The following BOD1 variants were observed in gnomAD, a reference collection of about 807,000 sequenced individuals.
BOD1 encodes biorientation of chromosomes in cell division 1.
Under a neutral mutation model 15.7 loss-of-function variants are expected in BOD1, and 11 were observed. The observed-to-expected ratio is 0.70, with a 90% CI of 0.44 to 1.16. The LOEUF (loss-of-function observed/expected upper bound fraction) is 1.16, where lower values mean the gene tolerates loss of function less well. Among genes scored for constraint, BOD1 ranks in the 50% most tolerant of loss-of-function variants. BOD1 has a pLI of 0.00. For synonymous variants in BOD1, 105 were observed against 103.5 expected (o/e 1.01, Z -0.09); for missense variants, 182 against 244.5 (o/e 0.74, Z 1.70).
intron 2 of BOD1, among the ~76,000 whole-genome samples, chr5:173,612,420 G>A (rs1302388480): frequency 2.0e-5 from 3 of 152,032 alleles, no homozygotes; most frequent in Non-Finnish European, 2.9e-5. Context: ...TTTACCATAC[G>A]AGCTGTTGCA....
chr5:173,612,487 T>G (rs1477224387), intron 2 of BOD1, among the ~76,000 whole-genome samples: 1 of 152,210 alleles, frequency 6.6e-6, no homozygotes, highest in African/African-American at 2.4e-5. Flanking sequence ...CTCCCCCTTG[T>G]GCTACCACTT....
chr5:173,616,148 C>T (rs1755490071), intron 1 of BOD1, 52 bp downstream of exon 1: 3 of 1,545,814 alleles, frequency 1.9e-6, no homozygotes, highest in Admixed American at 1.9e-5. Context: ...AGCTGCCACC[C>T]GGCGGCCTCA....
chr5:173,611,959 G>A (rs1408958676), intron 2 of BOD1, among the ~76,000 whole-genome samples: 1 of 152,226 alleles, frequency 6.6e-6, no homozygotes, highest in Non-Finnish European at 1.5e-5. Flanking sequence ...ATGAGGATGA[G>A]TGATATATGT....
intron 1 of BOD1, 27 bp from the exon 2 acceptor site, chr5:173,613,282 G>A: frequency 6.2e-7 from 1 of 1,612,388 alleles, no homozygotes. Flanking sequence ...AGGAGGCAAG[G>A]TCAGAAGTTA....
Position 173,613,206 on chromosome 5 carries a change from T to A in BOD1, c.287A>T (p.His96Leu). ...RQKVDNFVST[H>L]LDKQEWNPTM... Reference sequence around the variant, plus strand: ...AGGATTCCATTCCTGCTTGTCCAGATGTGTTGACACAAAATTATCCACTTT... The same window carrying A: ...AGGATTCCATTCCTGCTTGTCCAGAAGTGTTGACACAAAATTATCCACTTT... The change falls in exon 2 of 4, where the codon CAT (histidine) becomes CTT (leucine). Residue 96 changes from histidine (H) to leucine (L), a missense_variant. His to Leu is a moderately conservative substitution (Grantham distance 99, BLOSUM62 -3). Around this residue, in one of 3 missense-constraint regions of BOD1, gnomAD observed 70 missense variants for 130.3 expected, o/e 0.54. Coordinates refer to ENST00000311086, the MANE Select transcript of BOD1 (RefSeq NM_138369.3). 1.2e-6 allele frequency: 2 copies of A among 1,613,738 alleles called. No homozygotes were observed. The highest frequency in any genetic ancestry group is 1.1e-5 in the South Asian group (1 of 91,070).
chr5:173,613,414 T>C (rs1410324483), intron 1 of BOD1, among the ~76,000 whole-genome samples, 159 bp from the exon 2 acceptor site: 1 of 152,236 alleles, frequency 6.6e-6, no homozygotes, highest in Non-Finnish European at 1.5e-5. Context: ...CAGGAATTAA[T>C]GGTTAACACA....
At position 173,609,511 on chromosome 5, in the gene BOD1, G is replaced by A. The variant is rs1254719712; in HGVS notation, c.363-77C>T. 7.1e-6 allele frequency: 10 copies of A among 1,401,424 alleles called. No homozygotes were observed. The Admixed American group carries it at 1.5e-4, about 21-fold the overall frequency. The allele number at this position is 1,401,424 out of a possible 1,614,324, so 86.8% of individuals were successfully genotyped here. A position where few individuals can be genotyped will look rare whatever the true frequency, so the allele number is the denominator to read the frequency against. ...TTTAGCCCCAATAAGTGTCACGTGC[G>A]AGCCCAATAAATGTCCACCTTCAAA... On this transcript the variant is annotated intron_variant, in intron 2 of 3. Coordinates refer to ENST00000311086, the MANE Select transcript of BOD1 (RefSeq NM_138369.3).
chr5:173,616,410 TC>T lies in BOD1; in HGVS notation c.26del (p.Gly9GlufsTer77). The T allele has an allele frequency of 2.6e-6, 4 of 1,534,330 alleles. No individual in the cohort carries two copies. The highest frequency in any genetic ancestry group is 1.2e-5 in the South Asian group (1 of 84,230). ...TTCCGCCGCCGCCCACCGCGCCAGT[TC>T]CCCCGCCGCCGCCGCCGTCCGCCAT... The part of the protein sequence containing the change: MADGGGGG[G>X]TGAVGGGGTS... On this transcript the variant is annotated frameshift_variant, in exon 1 of 4. Transcript: ENST00000311086. LOFTEE classifies it high-confidence loss of function.
At chr5:173,609,145 T>G in intron 3 of BOD1, 93 bp downstream of exon 3, 1 of 1,300,338 alleles carries the variant, frequency 7.7e-7, no homozygotes. Flanking sequence ...ACTTCCTGAA[T>G]GATCCTCAAT....
chr5:173,609,243 G>A lies in BOD1; in HGVS notation c.554C>T (p.Ser185Phe). The A allele has an allele frequency of 1.2e-6, 2 of 1,613,136 alleles. No homozygotes were observed. Among genetic ancestry groups the A allele is most frequent in the Non-Finnish European group, 1.7e-6 (2 of 1,179,674 alleles). The change falls in exon 3 of 4, where the codon TCC becomes TTC. Residue 185 changes from serine to phenylalanine, a missense_variant. Around this residue, in one of 3 missense-constraint regions of BOD1, gnomAD observed 40 missense variants for 45.3 expected, o/e 0.88. Coordinates refer to ENST00000311086, the MANE Select transcript of BOD1 (RefSeq NM_138369.3). ...CAGAAGATAGGATACTGGACCTTAGGAAGTGTCCTGAGATGGAGCTGGAGG... is the reference window on the plus strand; with the variant it reads ...CAGAAGATAGGATACTGGACCTTAGAAAGTGTCCTGAGATGGAGCTGGAGG... ...QDPPAPSQDT[S>F]
chr5:173,611,550 A>C (rs1755354170), intron 2 of BOD1, among the ~76,000 whole-genome samples: 1 of 152,088 alleles, frequency 6.6e-6, no homozygotes, highest in Non-Finnish European at 1.5e-5. Context: ...AAAAAACAAC[A>C]ACTTCACAGA....
In BOD1 at chr5:173,609,380, T is replaced by G. The variant is rs1370778638; in HGVS notation, c.417A>C (p.Pro139=). The change falls in exon 3 of 4, where the codon CCA becomes CCC. Residue 139 remains proline, a synonymous_variant. Transcript: ENST00000311086. ...GTGGCCTGAAGATGTGGTTAAGTTT[T>G]GGATCCACCACCTGAGAAATAATCC... is the stretch of plus-strand genomic sequence containing the variant. ...VDRIISQVVD[P]KLNHIFRPQI... 1 of 1,614,264 alleles carries G rather than the reference T, an allele frequency of 6.2e-7. No individual in the cohort carries two copies. The highest frequency in any genetic ancestry group is 8.5e-7 in the Non-Finnish European group (1 of 1,180,052).
chr5:173,611,532 GA>G (rs35299200), intron 2 of BOD1, among the ~76,000 whole-genome samples: 6,855 of 144,496 alleles, frequency 0.047, 180 homozygotes, highest in Middle Eastern at 0.094. Context: ...AAAAAGCAGG[GA>G]AAAAAAAAAA....
At chr5:173,615,297 C>A (rs1448384566) in intron 1 of BOD1, among the ~76,000 whole-genome samples, 3 of 152,200 alleles carry the variant, frequency 2.0e-5, no homozygotes, top group Admixed American at 2.0e-4. Context: ...AATCGCACAG[C>A]TTGGCAACTA....
intron 1 of BOD1, among the ~76,000 whole-genome samples, chr5:173,614,195 C>T (rs1245707423): frequency 1.3e-5 from 2 of 152,186 alleles, no homozygotes; most frequent in South Asian, 2.1e-4. Context: ...CCCTGGATTC[C>T]GTAAGACAAT....
At chr5:173,614,053 C>T in intron 1 of BOD1, among the ~76,000 whole-genome samples, 1 of 152,148 alleles carries the variant, frequency 6.6e-6, no homozygotes, top group Middle Eastern at 3.2e-3. Flanking sequence ...TACTAGTAAC[C>T]AAATGGATGA....
rs1291154813 is a variant in BOD1 at position 173,607,152 on chromosome 5, G to A, written c.*1142C>T. On this transcript the variant is annotated 3_prime_UTR_variant, in exon 4 of 4. Transcript: ENST00000311086. ...TATTATCCAAGGCTTATTATACAGAGTATGTTCAGAGGCCTGGCAGCATCA... is the reference window on the plus strand; with the variant it reads ...TATTATCCAAGGCTTATTATACAGAATATGTTCAGAGGCCTGGCAGCATCA... Among the ~76,000 whole-genome samples the A allele has an allele frequency of 6.6e-6, 1 of 152,190 alleles. No homozygotes were observed. Among genetic ancestry groups the A allele is most frequent in the Admixed American group, 6.5e-5 (1 of 15,280 alleles).
chr5:173,614,647 A>G (rs1347091969), intron 1 of BOD1: 2 of 152,252 alleles, frequency 1.3e-5, no homozygotes, highest in Non-Finnish European at 2.9e-5. Context: ...CTGAAGCAAC[A>G]AAGGTCTCAG....
Position 173,609,632 on chromosome 5 carries a change from G to A in BOD1, c.363-198C>T, listed in dbSNP as rs572031466. 1.8e-5 allele frequency: 10 copies of A among 567,934 alleles called. No homozygotes were observed. The African/African-American group carries it at 1.9e-4, about 11-fold the overall frequency. 35.2% of individuals were successfully genotyped at this position (567,934 alleles called of 1,614,324 possible). A position where few individuals can be genotyped will look rare whatever the true frequency, so the allele number is the denominator to read the frequency against. On this transcript the variant is annotated intron_variant, in intron 2 of 3. Coordinates refer to ENST00000311086, the MANE Select transcript of BOD1 (RefSeq NM_138369.3). ...GAGGGGTAATTCTCAACCAGCAGCTGTTATTCCTACTGCACAATCTCACCC... is the reference window on the plus strand; with the variant it reads ...GAGGGGTAATTCTCAACCAGCAGCTATTATTCCTACTGCACAATCTCACCC...
Sources: gnomAD v4.1 joint callset for allele counts (sites outside exome capture counted in the v4.1 genomes callset) on GRCh38, gnomAD v4.1.1 for gene constraint, gnomAD v4.1.1 regional missense constraint, MANE v1.5 for transcripts, NCBI Gene and HGNC (gene_info 2026-07-23, HGNC 2026-07-21) for gene names.